The following ASIC2 variants were observed in gnomAD, a reference collection of about 807,000 sequenced individuals.
ASIC2 encodes the protein acid-sensing ion channel 2.
Under a neutral mutation model 57.3 loss-of-function variants are expected in ASIC2, and 25 were observed. The ratio of observed to expected loss-of-function variants is 0.44; its 90% CI spans 0.32 to 0.61. The LOEUF (loss-of-function observed/expected upper bound fraction) is 0.61, where lower values mean the gene tolerates loss of function less well. Ranked by LOEUF, ASIC2 falls within the 20% of genes least tolerant of loss-of-function variation. ASIC2 has a pLI of 0.06. For synonymous variants in ASIC2, 319 were observed against 307.5 expected (o/e 1.04, Z -0.39); for missense variants, 641 against 738.1 (o/e 0.87, Z 1.52).
intron 1 of ASIC2, among the ~76,000 whole-genome samples, chr17:33,582,670 C>A (rs62057831): frequency 0.21 from 31,261 of 152,056 alleles, 3,323 homozygotes; most frequent in South Asian, 0.37. Flanking sequence ...TACATATTTG[C>A]AATTATTTCA....
At chr17:33,217,774 A>C (rs1907551335) in intron 1 of ASIC2, among the ~76,000 whole-genome samples, 1 of 152,202 alleles carries the variant, frequency 6.6e-6, no homozygotes. Flanking sequence ...GCCTGGGAGG[A>C]TTAAATGAGA....
At chr17:33,351,316 T>G (rs1038023205) in intron 1 of ASIC2, among the ~76,000 whole-genome samples, 1 of 152,054 alleles carries the variant, frequency 6.6e-6, no homozygotes, top group Admixed American at 6.5e-5. Context: ...GTTCCAGGTC[T>G]AAGCACCATG....
At chr17:33,433,358 A>G (rs777919819) in intron 1 of ASIC2, among the ~76,000 whole-genome samples, 10 of 152,242 alleles carry the variant, frequency 6.6e-5, no homozygotes, top group Non-Finnish European at 1.2e-4. Context: ...ATGAGAACAC[A>G]TGGACACACA....
At chr17:33,046,580 C>A (rs987438448) in intron 3 of ASIC2, among the ~76,000 whole-genome samples, 4 of 152,028 alleles carry the variant, frequency 2.6e-5, no homozygotes, top group African/African-American at 9.7e-5. Flanking sequence ...GCCTCTGCAG[C>A]CCGCCTGTCC....
chr17:34,076,530 A>G (rs1227643020), intron 1 of ASIC2, among the ~76,000 whole-genome samples: 1 of 152,206 alleles, frequency 6.6e-6, no homozygotes, highest in Non-Finnish European at 1.5e-5. Flanking sequence ...AACATCCTGA[A>G]AAAAGTATAT....
At chr17:33,548,645 G>A (rs1247296270) in intron 1 of ASIC2, among the ~76,000 whole-genome samples, 2 of 152,072 alleles carry the variant, frequency 1.3e-5, no homozygotes, top group African/African-American at 4.8e-5. Context: ...ACAGTTCACG[G>A]CTGCCCTTAC....
chr17:33,408,347 A>G lies in ASIC2; in HGVS notation c.556-296280T>C, dbSNP rs116528227. 1.3e-3 allele frequency among the ~76,000 whole-genome samples: 195 copies of G among 152,284 alleles called. 1 individual carries two copies. Among genetic ancestry groups the G allele is most frequent in the African/African-American group, 4.5e-3 (187 of 41,560 alleles). On this transcript the variant is annotated intron_variant, in intron 1 of 9. Transcript: ENST00000359872. ...AGGAAGACTTGGTTCTGTCTCTTCC[A>G]TGCTGGGCTATGGTTGTAGGTGAAG...
intron 3 of ASIC2, among the ~76,000 whole-genome samples, chr17:33,079,707 G>T (rs2092104745): frequency 6.6e-6 from 1 of 152,182 alleles, no homozygotes; most frequent in Non-Finnish European, 1.5e-5. Context: ...AGTAGTGTCT[G>T]GGGTGGGGGA....
intron 1 of ASIC2, among the ~76,000 whole-genome samples, chr17:33,517,395 C>T (rs1597760354): frequency 6.6e-6 from 1 of 152,310 alleles, no homozygotes; most frequent in African/African-American, 2.4e-5. Context: ...GGATTACAGG[C>T]GCGAGCCATG....
At chr17:33,787,742 T>A (rs979009373) in intron 1 of ASIC2, among the ~76,000 whole-genome samples, 1 of 152,016 alleles carries the variant, frequency 6.6e-6, no homozygotes, top group African/African-American at 2.4e-5. Context: ...ACCTGGGAGG[T>A]AGGTGTGTGA....
In ASIC2 at chr17:33,013,752, A is replaced by G. The variant is rs1598232625; in HGVS notation, c.*213T>C. Reference sequence around the variant, plus strand: ...CTTGGACAGTTCCAGAGTGTGACTCATCTCTCCTAAGAGGGACGCACGGCG... The same window carrying G: ...CTTGGACAGTTCCAGAGTGTGACTCGTCTCTCCTAAGAGGGACGCACGGCG... On this transcript the variant is annotated 3_prime_UTR_variant, in exon 10 of 10. Coordinates refer to ENST00000225823, the MANE Select transcript of ASIC2 (RefSeq NM_183377.2). 6.8e-6 allele frequency: 4 copies of G among 588,090 alleles called. No homozygotes were observed. The East Asian group carries it at 1.1e-4, about 16-fold the overall frequency. The allele number at this position is 588,090 out of a possible 1,614,324, so 36.4% of individuals were successfully genotyped here.
Position 33,609,673 on chromosome 17 carries a change from A to G in ASIC2, c.556-497606T>C, listed in dbSNP as rs576222380. On this transcript the variant is annotated intron_variant, in intron 1 of 9. Transcript: ENST00000359872. ...ATTTTGGGGTTTGGTTGTTCCTTCCAAAATGTAAGCTCTGTGAAGCAGACA... is the reference window on the plus strand; with the variant it reads ...ATTTTGGGGTTTGGTTGTTCCTTCCGAAATGTAAGCTCTGTGAAGCAGACA... Among the ~76,000 whole-genome samples, 8 of 152,314 alleles carry G rather than the reference A, an allele frequency of 5.3e-5. No homozygotes were observed. The East Asian group carries it at 1.5e-3, about 29-fold the overall frequency.
At chr17:33,458,228 G>A (rs1352552534) in intron 1 of ASIC2, among the ~76,000 whole-genome samples, 3 of 152,134 alleles carry the variant, frequency 2.0e-5, no homozygotes, top group African/African-American at 7.2e-5. Context: ...TAAGAGGTGT[G>A]GTAGGAGGAG....
intron 1 of ASIC2, among the ~76,000 whole-genome samples, chr17:33,170,794 A>C (rs1183332494): frequency 2.0e-5 from 3 of 152,206 alleles, no homozygotes; most frequent in Non-Finnish European, 4.4e-5. Context: ...TTTCTACAAC[A>C]TTCTACAATA....
At chr17:33,964,297 C>T (rs1905013514) in intron 1 of ASIC2, among the ~76,000 whole-genome samples, 1 of 152,224 alleles carries the variant, frequency 6.6e-6, no homozygotes, top group African/African-American at 2.4e-5. Flanking sequence ...GAGCAGGGCT[C>T]ACCCCTCTCC....
chr17:33,599,430 A>G (rs1597802881), intron 1 of ASIC2, among the ~76,000 whole-genome samples: 1 of 152,190 alleles, frequency 6.6e-6, no homozygotes, highest in South Asian at 2.1e-4. Flanking sequence ...AGGCTGCCTT[A>G]TCTTGAACAT....
chr17:33,313,135 T>C (rs143969855), intron 1 of ASIC2, among the ~76,000 whole-genome samples: 20 of 151,900 alleles, frequency 1.3e-4, no homozygotes, highest in African/African-American at 4.8e-4. Flanking sequence ...CTGAGCAATA[T>C]AGTGAGAGCC....
At chr17:33,701,486 C>G (rs1328012703) in intron 1 of ASIC2, among the ~76,000 whole-genome samples, 2 of 152,174 alleles carry the variant, frequency 1.3e-5, no homozygotes, top group Non-Finnish European at 2.9e-5. Flanking sequence ...TTATAGTTCT[C>G]AGCCCAATTC....
chr17:33,231,241 T>G (rs1197168947), intron 1 of ASIC2, among the ~76,000 whole-genome samples: 1 of 152,190 alleles, frequency 6.6e-6, no homozygotes, highest in Non-Finnish European at 1.5e-5. Flanking sequence ...GGCTAGGTGT[T>G]CATCTTCCCT....
Sources: allele counts gnomAD v4.1 joint callset (sites outside exome capture counted in the v4.1 genomes callset), GRCh38; gene constraint gnomAD v4.1.1; transcripts MANE v1.5; gene names NCBI Gene and HGNC (gene_info 2026-07-23, HGNC 2026-07-21).